The following PLAGL1 variants were observed in gnomAD, a reference collection of about 807,000 sequenced individuals.
The protein encoded by PLAGL1 is PLAG1 like zinc finger 1, also known as zinc finger protein PLAGL1.
A neutral mutation model predicts 4.6 loss-of-function variants in PLAGL1; 1 was observed. That is an observed-to-expected ratio of 0.22 (90% CI 0.08 to 1.03). The LOEUF is 1.03. Ranked by LOEUF, PLAGL1 falls within the 50% of genes least tolerant of loss-of-function variation. PLAGL1 has a pLI of 0.58. For missense variants in PLAGL1, 464 were observed against 570.4 expected (o/e 0.81, Z 1.90); for synonymous variants, 240 against 237.8 (o/e 1.01, Z -0.08).
Position 143,947,383 on chromosome 6 carries a change from T to G in PLAGL1, c.152+602A>C, listed in dbSNP as rs1780009727. On this transcript the variant is annotated intron_variant, in intron 7 of 7. Coordinates refer to ENST00000674357, the MANE Select transcript of PLAGL1 (RefSeq NM_001317162.2). The surrounding 1 kb of genome is among the most constrained non-coding windows in gnomAD (Gnocchi z 4.3). ...CAAATTATTATCTGAGTCCTCTTTC[T>G]AGGATACTAAACGAATCATATTTCT... is the stretch of plus-strand genomic sequence containing the variant. Among the ~76,000 whole-genome samples the G allele has an allele frequency of 6.6e-6, 1 of 152,274 alleles. No individual in the cohort carries two copies. Among genetic ancestry groups the G allele is most frequent in the Non-Finnish European group, 1.5e-5 (1 of 68,048 alleles).
At chr6:144,035,880 G>A (rs1485957360) in intron 1 of PLAGL1, among the ~76,000 whole-genome samples, 1 of 152,148 alleles carries the variant, frequency 6.6e-6, no homozygotes, top group African/African-American at 2.4e-5. Flanking sequence ...ACTACTAGAG[G>A]CCCTCAAATC....
chr6:143,974,372 A>G lies in PLAGL1; in HGVS notation c.-543-5394T>C, dbSNP rs188438635. Among the ~76,000 whole-genome samples, 86 of 151,556 alleles carry G rather than the reference A, an allele frequency of 5.7e-4. 1 individual carries two copies. The highest frequency in any genetic ancestry group is 1.9e-3 in the African/African-American group (80 of 41,352). On this transcript the variant is annotated intron_variant, in intron 2 of 7. Transcript: ENST00000674357. ...ACCTTCCCACGTGCCCACAGGCATC[A>G]GTACTGATCTCGGTGGTGGGGTTGC...
In PLAGL1 at chr6:144,062,334, G is replaced by A. The variant is rs575301980; in HGVS notation, c.-151+2134C>T. On this transcript the variant is annotated intron_variant, in intron 1 of 3. Coordinates refer to the PLAGL1 transcript ENST00000437412. ...AGAGGTTGCAGTGAACCAAGATCAC[G>A]CCACCGCACTCCAGCCTGGGTGACA... is the stretch of plus-strand genomic sequence containing the variant. 3.7e-4 allele frequency among the ~76,000 whole-genome samples: 55 copies of A among 150,202 alleles called. 1 individual carries two copies. In the South Asian group the frequency reaches 0.011, roughly 31 times the overall value.
At chr6:144,031,314 C>T (rs1363817505) in intron 1 of PLAGL1, among the ~76,000 whole-genome samples, 1 of 152,148 alleles carries the variant, frequency 6.6e-6, no homozygotes, top group South Asian at 2.1e-4. Flanking sequence ...GTCAACTCTG[C>T]TAATTGTTTC....
chr6:143,997,094 A>G lies in PLAGL1; in HGVS notation c.-584+10996T>C, dbSNP rs1305433624. 6.6e-6 allele frequency among the ~76,000 whole-genome samples: 1 copy of G among 152,228 alleles called. No homozygotes were observed. Among genetic ancestry groups the G allele is most frequent in the Non-Finnish European group, 1.5e-5 (1 of 68,056 alleles). On this transcript the variant is annotated intron_variant, in intron 1 of 7. Coordinates refer to ENST00000674357, the MANE Select transcript of PLAGL1 (RefSeq NM_001317162.2). This position sits in a 1 kb window ranked among gnomAD's most constrained non-coding sequence, Gnocchi z 4.6. The stretch of plus-strand genomic sequence containing the variant: ...CATCAAGGAAATGCACATGAAAACC[A>G]TGAGACCATGAAGCCATGAGATATC...
At position 143,953,636 on chromosome 6, in the gene PLAGL1, C is replaced by G. The variant is rs1292239414; in HGVS notation, c.-324-5176G>C. Reference sequence around the variant, plus strand: ...AGTCTCTCTGAAAATTCTACTAAAACAGTAATAGTGGGATTTTTCTAAAAC... The same window carrying G: ...AGTCTCTCTGAAAATTCTACTAAAAGAGTAATAGTGGGATTTTTCTAAAAC... On this transcript the variant is annotated intron_variant, in intron 6 of 7. Coordinates refer to ENST00000674357, the MANE Select transcript of PLAGL1 (RefSeq NM_001317162.2). This position sits in a 1 kb window ranked among gnomAD's most constrained non-coding sequence, Gnocchi z 5.3. Among the ~76,000 whole-genome samples, 2 of 152,132 alleles carry G rather than the reference C, an allele frequency of 1.3e-5. No homozygotes were observed. Among genetic ancestry groups the G allele is most frequent in the African/African-American group, 4.8e-5 (2 of 41,428 alleles).
rs910258450 is a variant in PLAGL1 at position 144,055,658 on chromosome 6, G to T, written c.-151+8810C>A. On this transcript the variant is annotated intron_variant, in intron 1 of 3. Transcript: ENST00000437412. This position sits in a 1 kb window ranked among gnomAD's most constrained non-coding sequence, Gnocchi z 5.0. ...TCACTTTCATCCTTAGCAAAGTTTTGGGTCTTAGTGAAGGGAAACATGTAT... is the reference window on the plus strand; with the variant it reads ...TCACTTTCATCCTTAGCAAAGTTTTTGGTCTTAGTGAAGGGAAACATGTAT... Among the ~76,000 whole-genome samples the T allele has an allele frequency of 6.6e-6, 1 of 152,062 alleles. No homozygotes were observed. Among genetic ancestry groups the T allele is most frequent in the African/African-American group, 2.4e-5 (1 of 41,384 alleles).
chr6:144,051,199 A>C (rs577730927), intron 1 of PLAGL1, among the ~76,000 whole-genome samples: 2 of 152,334 alleles, frequency 1.3e-5, no homozygotes, highest in East Asian at 3.9e-4. Context: ...AATTACAATA[A>C]ATTTCAGAAA....
In PLAGL1 at chr6:143,976,772, T is replaced by A. The variant is rs371190451; in HGVS notation, c.-543-7794A>T. Among the ~76,000 whole-genome samples the A allele has an allele frequency of 7.9e-5, 12 of 152,296 alleles. No homozygotes were observed. In the South Asian group the frequency reaches 2.3e-3, roughly 29 times the overall value. ...TAACCACCCCTAATTCTATCTTCTC[T>A]CACAACATGAAAGAAACACATTTTT... On this transcript the variant is annotated intron_variant, in intron 2 of 7. Coordinates refer to ENST00000674357, the MANE Select transcript of PLAGL1 (RefSeq NM_001317162.2).
rs1386134807 is a variant in PLAGL1, at chr6:144,039,191, G to A, written c.-151+25277C>T. 1.3e-5 allele frequency among the ~76,000 whole-genome samples: 2 copies of A among 152,000 alleles called. No individual in the cohort carries two copies. The highest frequency in any genetic ancestry group is 4.8e-5 in the African/African-American group (2 of 41,412). On this transcript the variant is annotated intron_variant, in intron 1 of 3. Transcript: ENST00000437412. This position sits in a 1 kb window ranked among gnomAD's most constrained non-coding sequence, Gnocchi z 4.1. ...ACAATCCAAAAGAAAAATGGGCAAG[G>A]CATATAAACAGGTGTTTTACTGAAG...
rs567067491 is a variant in PLAGL1, at chr6:143,962,933, T to C, written c.-399+1854A>G. 6.6e-6 allele frequency among the ~76,000 whole-genome samples: 1 copy of C among 152,378 alleles called. No individual in the cohort carries two copies. The highest frequency in any genetic ancestry group is 1.9e-4 in the East Asian group (1 of 5,184). ...AAAGCCTCTCGAATATGTTTTATTT[T>C]ATTTTCCAGATGGAAAGGAGCCCAC... On this transcript the variant is annotated intron_variant, in intron 5 of 7. Transcript: ENST00000674357. This position sits in a 1 kb window ranked among gnomAD's most constrained non-coding sequence, Gnocchi z 5.3.
At chr6:144,029,394 G>A (rs1796627424) in intron 1 of PLAGL1, among the ~76,000 whole-genome samples, 1 of 152,182 alleles carries the variant, frequency 6.6e-6, no homozygotes, top group Non-Finnish European at 1.5e-5. Flanking sequence ...AGGGGTAACT[G>A]TGATTCACAA....
intron 6 of PLAGL1, among the ~76,000 whole-genome samples, chr6:143,951,942 T>A (rs924762491): frequency 1.3e-5 from 2 of 152,224 alleles, no homozygotes; most frequent in Non-Finnish European, 2.9e-5. Context: ...TGAACTCAAA[T>A]TCATAATTTT....
chr6:144,058,767 A>G (rs1251340458), intron 1 of PLAGL1, among the ~76,000 whole-genome samples: 6 of 152,270 alleles, frequency 3.9e-5, no homozygotes, highest in Non-Finnish European at 5.9e-5. Context: ...TTTTGACTCC[A>G]TGTCCTGCAT....
Position 144,004,955 on chromosome 6 carries a change from TATATAA to T in PLAGL1, c.-584+3129_-584+3134del, listed in dbSNP as rs1007720765. On this transcript the variant is annotated intron_variant, in intron 1 of 7. Transcript: ENST00000674357. This position sits in a 1 kb window ranked among gnomAD's most constrained non-coding sequence, Gnocchi z 4.2. ...TTTTATTCATATATATATATACATT[TATATAA>T]ATATATTTAATTTTTATATAAACTC... 6.7e-6 allele frequency: 1 copy of T among 149,156 alleles called. No homozygotes were observed. The highest frequency in any genetic ancestry group is 2.4e-5 in the African/African-American group (1 of 40,994). The allele number at this position is 149,156 out of a possible 1,614,324, so 9.2% of individuals were successfully genotyped here.
rs908763038 is a variant in PLAGL1 at position 143,983,605 on chromosome 6, T to C, written c.-544+1530A>G. On this transcript the variant is annotated intron_variant, in intron 2 of 7. Coordinates refer to ENST00000674357, the MANE Select transcript of PLAGL1 (RefSeq NM_001317162.2). This position sits in a 1 kb window ranked among gnomAD's most constrained non-coding sequence, Gnocchi z 6.6. The stretch of plus-strand genomic sequence containing the variant: ...ATCAGCAAACAAAGGCACTGGGATA[T>C]AGATGGCTAAGTACAACAAAGCAAA... 1.3e-5 allele frequency among the ~76,000 whole-genome samples: 2 copies of C among 152,016 alleles called. No individual in the cohort carries two copies. Among genetic ancestry groups the C allele is most frequent in the African/African-American group, 2.4e-5 (1 of 41,370 alleles).
intron 1 of PLAGL1, among the ~76,000 whole-genome samples, chr6:144,054,182 A>G (rs1290395147): frequency 6.6e-6 from 1 of 152,206 alleles, no homozygotes; most frequent in East Asian, 1.9e-4. Flanking sequence ...TAAAGTAAAA[A>G]CTGAAAGTTT....
chr6:143,998,617 T>C (rs1481893272), intron 1 of PLAGL1, among the ~76,000 whole-genome samples: 3 of 152,162 alleles, frequency 2.0e-5, no homozygotes, highest in African/African-American at 7.2e-5. Flanking sequence ...AACCTGACCA[T>C]CTGGAAAAGA....
chr6:143,993,436 A>G (rs1790971782), intron 1 of PLAGL1, among the ~76,000 whole-genome samples: 1 of 152,148 alleles, frequency 6.6e-6, no homozygotes, highest in Admixed American at 6.5e-5. Flanking sequence ...AGCTGAGCTT[A>G]GAAAAGAACT....
Sources: allele counts gnomAD v4.1 joint callset (sites outside exome capture counted in the v4.1 genomes callset), GRCh38; gene constraint gnomAD v4.1.1; non-coding constraint Gnocchi (gnomAD v3.1); transcripts MANE v1.5; gene names NCBI Gene and HGNC (gene_info 2026-07-23, HGNC 2026-07-21).